MAGI1: variants seen among roughly 807,000 people sequenced by gnomAD.
MAGI1 encodes the protein membrane-associated guanylate kinase, WW and PDZ domain-containing protein 1.
Under a neutral mutation model 139.9 loss-of-function variants are expected in MAGI1, and 58 were observed. The ratio of observed to expected loss-of-function variants is 0.41; its 90% confidence interval spans 0.34 to 0.52. The LOEUF is 0.52. Ranked by LOEUF, MAGI1 falls within the 20% of genes least tolerant of loss-of-function variation. The pLI is 0.12. For synonymous variants in MAGI1, 812 were observed against 737.9 expected, an observed-to-expected ratio of 1.10 and a Z score of -1.63; for missense variants, 1,874 against 1,901.6, an observed-to-expected ratio of 0.99 and a Z score of 0.27.
intron 1 of MAGI1, among the ~76,000 whole-genome samples, chr3:65,999,485 GAA>G (rs1000098028): frequency 6.6e-6 from 1 of 151,848 alleles, no homozygotes; most frequent in South Asian, 2.1e-4. Flanking sequence ...AGTGTGAGGG[GAA>G]AAAAATGGGA....
At chr3:65,690,477 T>A (rs2088488802) in intron 1 of MAGI1, among the ~76,000 whole-genome samples, 1 of 152,090 alleles carries the variant, frequency 6.6e-6, no homozygotes. Flanking sequence ...CAACTCTTTT[T>A]TCTTTCTTTT....
intron 1 of MAGI1, among the ~76,000 whole-genome samples, chr3:65,795,970 G>C (rs1180205863): frequency 1.3e-5 from 2 of 149,364 alleles, no homozygotes; most frequent in Non-Finnish European, 3.0e-5. Flanking sequence ...AGAATTGCTT[G>C]ACCACAGGAG....
chr3:65,384,660 G>A (rs902923735), intron 14 of MAGI1, among the ~76,000 whole-genome samples: 17 of 152,178 alleles, frequency 1.1e-4, no homozygotes, highest in African/African-American at 4.1e-4. Flanking sequence ...TTGAGCCAGG[G>A]AGGTTGAGAC....
At chr3:65,926,366 T>TCC (rs973216490) in intron 1 of MAGI1, among the ~76,000 whole-genome samples, 1 of 149,990 alleles carries the variant, frequency 6.7e-6, no homozygotes, top group Non-Finnish European at 1.5e-5. Context: ...TCTCTCTCTC[T>TCC]CTCCCTCTTT....
chr3:65,364,877 G>T lies in MAGI1; in HGVS notation c.3266C>A (p.Ser1089Tyr). Residue 1089 changes from serine to tyrosine, a missense_variant, in exon 19 of 23, where the codon TCT (serine) becomes TAT (tyrosine). Ser to Tyr is a moderately radical substitution (Grantham distance 144). Coordinates refer to ENST00000402939, the MANE Select transcript of MAGI1 (RefSeq NM_001033057.2). ...CCTTGTCTCCTGGGTCCCTTGCTGA[G>T]AAGGGGTGTGTGTGGTGGTGATGGT... ...IATITTTHTPSQQGTQETRNT... is the reference protein window; with the variant it reads ...IATITTTHTPYQQGTQETRNT... 6.2e-7 allele frequency: 1 copy of T among 1,614,078 alleles called. No homozygotes were observed. The highest frequency in any genetic ancestry group is 8.5e-7 in the Non-Finnish European group (1 of 1,179,972).
intron 1 of MAGI1, among the ~76,000 whole-genome samples, chr3:66,025,232 T>C (rs973912450): frequency 2.0e-5 from 3 of 152,196 alleles, no homozygotes; most frequent in Non-Finnish European, 2.9e-5. Flanking sequence ...GATCTACATA[T>C]AGTATTTTTT....
chr3:65,503,543 G>A (rs1487616040), intron 2 of MAGI1, among the ~76,000 whole-genome samples: 2 of 152,180 alleles, frequency 1.3e-5, no homozygotes, highest in Non-Finnish European at 2.9e-5. Context: ...ATAATGCCAA[G>A]CCATTCAACA....
Position 65,959,770 on chromosome 3 carries a change from T to A in MAGI1, c.313+78226A>T, listed in dbSNP as rs1030974975. Among the ~76,000 whole-genome samples the A allele has an allele frequency of 2.7e-5, 4 of 147,136 alleles. No individual in the cohort carries two copies. In the East Asian group the frequency reaches 8.0e-4, roughly 29 times the overall value. On this transcript the variant is annotated intron_variant, in intron 1 of 22. Transcript: ENST00000402939. ...GTAAGGCACCACGCCCATCCTAATG[T>A]CTTAATGGACAAATAAATAAATTCT...
At chr3:65,682,434 A>G (rs1456826996) in intron 1 of MAGI1, among the ~76,000 whole-genome samples, 1 of 152,208 alleles carries the variant, frequency 6.6e-6, no homozygotes, top group Non-Finnish European at 1.5e-5. Context: ...CTGATTCTTG[A>G]TAAAAGTTCA....
intron 2 of MAGI1, among the ~76,000 whole-genome samples, chr3:65,590,126 A>C (rs1485667754): frequency 6.6e-6 from 1 of 152,076 alleles, no homozygotes; most frequent in Non-Finnish European, 1.5e-5. Context: ...TGTCTCCTCT[A>C]CTATGAAATC....
chr3:65,397,116 T>C (rs13317387), intron 13 of MAGI1, among the ~76,000 whole-genome samples: 1,871 of 152,296 alleles, frequency 0.012, 34 homozygotes, highest in African/African-American at 0.043. Context: ...ACTCTCACTG[T>C]TTCTTCTTGT....
At chr3:65,733,725 T>C (rs766735318) in intron 1 of MAGI1, among the ~76,000 whole-genome samples, 25 of 152,348 alleles carry the variant, frequency 1.6e-4, no homozygotes, top group African/African-American at 6.0e-4. Flanking sequence ...GGCTATATTA[T>C]ATGGCATATT....
intron 14 of MAGI1, among the ~76,000 whole-genome samples, chr3:65,387,557 T>C (rs972393526): frequency 2.0e-5 from 3 of 152,200 alleles, no homozygotes; most frequent in African/African-American, 4.8e-5. Context: ...TAAAACCTTA[T>C]TGCTTTTTGA....
At chr3:65,393,406 T>G (rs891881869) in intron 13 of MAGI1, among the ~76,000 whole-genome samples, 2 of 152,188 alleles carry the variant, frequency 1.3e-5, no homozygotes, top group Non-Finnish European at 2.9e-5. Flanking sequence ...CATTATACTT[T>G]CCCATATTAC....
chr3:66,025,768 G>A (rs1410542206), intron 1 of MAGI1, among the ~76,000 whole-genome samples: 1 of 151,974 alleles, frequency 6.6e-6, no homozygotes, highest in Non-Finnish European at 1.5e-5. Context: ...TATTTCTCTG[G>A]GGTGGGATTA....
intron 2 of MAGI1, among the ~76,000 whole-genome samples, chr3:65,619,684 G>A (rs2083564876): frequency 6.6e-6 from 1 of 152,106 alleles, no homozygotes; most frequent in Admixed American, 6.6e-5. Context: ...ATGGGCCATA[G>A]AATCAAAATA....
At chr3:65,452,850 C>A (rs954810593) in intron 6 of MAGI1, 1 of 170,182 alleles carries the variant, frequency 5.9e-6, no homozygotes, top group African/African-American at 2.4e-5. Context: ...ATGTACAGTT[C>A]AAGAAAAACT....
intron 2 of MAGI1, among the ~76,000 whole-genome samples, chr3:65,542,959 C>G (rs1391868117): frequency 6.6e-6 from 1 of 152,058 alleles, no homozygotes; most frequent in Admixed American, 6.5e-5. Context: ...TCAGAGTGAA[C>G]AGGCACCCTA....
intron 2 of MAGI1, among the ~76,000 whole-genome samples, chr3:65,543,756 G>C (rs879432936): frequency 4.5e-5 from 6 of 133,568 alleles, no homozygotes; most frequent in Admixed American, 3.0e-4. Context: ...TGTCAGGGAT[G>C]GGGGGGGGTA....
Sources: gnomAD v4.1 joint callset for allele counts (sites outside exome capture counted in the v4.1 genomes callset) on GRCh38, gnomAD v4.1.1 for gene constraint, MANE v1.5 for transcripts, NCBI Gene and HGNC (gene_info 2026-07-23, HGNC 2026-07-21) for gene names.